ROBO2: variants seen among roughly 807,000 people sequenced by gnomAD.
The protein encoded by ROBO2 is roundabout guidance receptor 2.
In ROBO2, 53 loss-of-function variants were observed where a neutral mutation model predicts 160.8. That is an observed-to-expected ratio of 0.33 (90% CI 0.26 to 0.41). The LOEUF (loss-of-function observed/expected upper bound fraction) is 0.41, where lower values mean the gene tolerates loss of function less well. Among genes scored for constraint, ROBO2 ranks in the 10% least tolerant of loss-of-function variants. The pLI, the probability that ROBO2 is intolerant of heterozygous loss-of-function variation, is 1.00. For synonymous variants in ROBO2, 664 were observed against 611.7 expected (o/e 1.09, Z -1.26); for missense variants, 1,577 against 1,722.4 (o/e 0.92, Z 1.49).
chr3:77,021,963 G>T (rs1034044502), intron 2 of ROBO2, among the ~76,000 whole-genome samples: 2 of 152,152 alleles, frequency 1.3e-5, no homozygotes, highest in African/African-American at 4.8e-5. Flanking sequence ...CCCAGAGGCC[G>T]GGTGTAGTGG....
intron 2 of ROBO2, among the ~76,000 whole-genome samples, chr3:76,401,825 G>A (rs1362140735): frequency 6.6e-6 from 1 of 151,366 alleles, no homozygotes; most frequent in East Asian, 1.9e-4. Context: ...TAAGGTATCA[G>A]AACAAGCTGA....
chr3:77,601,689 T>C (rs2094433518), intron 19 of ROBO2, among the ~76,000 whole-genome samples: 1 of 152,232 alleles, frequency 6.6e-6, no homozygotes, highest in African/African-American at 2.4e-5. Context: ...TCTCCTTTTC[T>C]GGAGCAATTA....
chr3:77,004,485 A>G (rs1056684134), intron 2 of ROBO2, among the ~76,000 whole-genome samples: 1 of 152,194 alleles, frequency 6.6e-6, no homozygotes, highest in African/African-American at 2.4e-5. Flanking sequence ...GTGAAAAGAG[A>G]AACCCTGTTA....
In ROBO2 at chr3:76,456,894, C is replaced by T. The variant is rs145699901; in HGVS notation, c.109+519292C>T. On this transcript the variant is annotated intron_variant, in intron 2 of 26. Coordinates refer to the ROBO2 transcript ENST00000487694. ...GCAAAGGCAGAAACCCGTGATAAAC[C>T]CATCAGAGCTCGTGAGACTTACTCA... Among the ~76,000 whole-genome samples, 522 of 152,218 alleles carry T rather than the reference C, an allele frequency of 3.4e-3. 6 individuals carry two copies. Among genetic ancestry groups the T allele is most frequent in the African/African-American group, 0.012 (505 of 41,554 alleles).
Position 77,286,468 on chromosome 3 carries a change from C to A in ROBO2, c.388+188128C>A, listed in dbSNP as rs368021138. ...ATGGGGTTTCACCATGTTGGCCAGG[C>A]TGGTCTCGAATTCCTGACCTCAAGT... On this transcript the variant is annotated intron_variant, in intron 2 of 25. Transcript: ENST00000461745. 1.7e-3 allele frequency among the ~76,000 whole-genome samples: 254 copies of A among 152,160 alleles called. 4 individuals are homozygous for A. The highest frequency in any genetic ancestry group is 5.7e-3 in the African/African-American group (235 of 41,538).
At chr3:76,528,785 A>T (rs976678474) in intron 2 of ROBO2, among the ~76,000 whole-genome samples, 2 of 152,106 alleles carry the variant, frequency 1.3e-5, no homozygotes, top group African/African-American at 4.8e-5. Context: ...CCTAGGACTG[A>T]AGCCTAGGGC....
intron 2 of ROBO2, among the ~76,000 whole-genome samples, chr3:76,649,612 C>T (rs1398447769): frequency 1.3e-5 from 2 of 152,000 alleles, no homozygotes; most frequent in Non-Finnish European, 2.9e-5. Context: ...CTTCACTGGT[C>T]ATTCAAAAAA....
chr3:77,037,300 A>G (rs1164802425), upstream of ROBO2, among the ~76,000 whole-genome samples: 1 of 152,196 alleles, frequency 6.6e-6, no homozygotes. Flanking sequence ...AGCAGAAAAC[A>G]TGGATTCCAA....
intron 13 of ROBO2, among the ~76,000 whole-genome samples, chr3:77,573,077 TAC>T (rs1294388439): frequency 3.9e-5 from 6 of 152,026 alleles, no homozygotes. Context: ...CATTAATCTT[TAC>T]ACTTTATTTG....
chr3:77,094,925 T>A (rs2070839568), intron 1 of ROBO2, among the ~76,000 whole-genome samples: 1 of 152,180 alleles, frequency 6.6e-6, no homozygotes, highest in South Asian at 2.1e-4. Flanking sequence ...CTTTATATAT[T>A]CTAGATACAA....
At chr3:77,293,819 A>G (rs540351763) in intron 2 of ROBO2, among the ~76,000 whole-genome samples, 1 of 142,008 alleles carries the variant, frequency 7.0e-6, no homozygotes, top group Non-Finnish European at 1.5e-5. Context: ...GTAAAGACAT[A>G]AAGTAGAATT....
At chr3:77,310,751 C>T (rs918255332) in intron 2 of ROBO2, among the ~76,000 whole-genome samples, 1 of 151,252 alleles carries the variant, frequency 6.6e-6, no homozygotes, top group Non-Finnish European at 1.5e-5. Context: ...TTAGAACAAC[C>T]CTGTATTATA....
chr3:77,544,918 A>G (rs1475864783), intron 6 of ROBO2, among the ~76,000 whole-genome samples: 2 of 152,064 alleles, frequency 1.3e-5, no homozygotes, highest in Non-Finnish European at 2.9e-5. Context: ...TTCCAATGAT[A>G]CTGCCTACTG....
intron 2 of ROBO2, among the ~76,000 whole-genome samples, chr3:76,908,481 T>TAAC (rs1211071621): frequency 2.0e-5 from 3 of 152,222 alleles, no homozygotes; most frequent in Non-Finnish European, 4.4e-5. Context: ...CTGGTTTCAC[T>TAAC]AACTTTCAGA....
At chr3:76,578,570 T>C (rs1041449402) in intron 2 of ROBO2, among the ~76,000 whole-genome samples, 2 of 152,130 alleles carry the variant, frequency 1.3e-5, no homozygotes, top group African/African-American at 2.4e-5. Context: ...GCTTTTCACA[T>C]AGTTGGTGTT....
chr3:76,783,363 T>C (rs1054227555), intron 2 of ROBO2, among the ~76,000 whole-genome samples: 1 of 150,974 alleles, frequency 6.6e-6, no homozygotes, highest in African/African-American at 2.4e-5. Context: ...AACCGTTGCA[T>C]GTTTTCATGT....
At chr3:76,734,463 C>G (rs1032929328) in intron 2 of ROBO2, among the ~76,000 whole-genome samples, 1 of 152,170 alleles carries the variant, frequency 6.6e-6, no homozygotes, top group African/African-American at 2.4e-5. Flanking sequence ...ACTGTCACAG[C>G]TTTTAAATGT....
chr3:77,190,887 C>CT (rs35025695), intron 2 of ROBO2, among the ~76,000 whole-genome samples: 1 of 151,808 alleles, frequency 6.6e-6, no homozygotes, highest in African/African-American at 2.4e-5. Flanking sequence ...GTTAGGTAAC[C>CT]TTTTTAAAAG....
At chr3:77,608,480 T>C (rs904972787) in intron 21 of ROBO2, among the ~76,000 whole-genome samples, 1 of 152,166 alleles carries the variant, frequency 6.6e-6, no homozygotes, top group Non-Finnish European at 1.5e-5. Context: ...AGCCAATGCA[T>C]ACTCTGTAAT....
Sources: allele counts gnomAD v4.1 joint callset (sites outside exome capture counted in the v4.1 genomes callset), GRCh38; gene constraint gnomAD v4.1.1; transcripts MANE v1.5; gene names NCBI Gene and HGNC (gene_info 2026-07-23, HGNC 2026-07-21).